MYO16: variants seen among roughly 807,000 people sequenced by gnomAD.
MYO16 encodes myosin XVI.
MYO16 carries 94 observed loss-of-function variants against 205.3 expected under a neutral mutation model. The ratio of observed to expected loss-of-function variants is 0.46; its 90% CI spans 0.39 to 0.54. The LOEUF (loss-of-function observed/expected upper bound fraction) is 0.54, where lower values mean the gene tolerates loss of function less well. MYO16 is among the 20% of genes least tolerant of loss of function. The pLI is 0.00. For missense variants in MYO16, 2,315 were observed against 2,387.5 expected (o/e 0.97, Z 0.63); for synonymous variants, 988 against 954.0 (o/e 1.04, Z -0.66).
At chr13:108,523,490 A>G in the MYO16 span, among the ~76,000 whole-genome samples, 1 of 152,058 alleles carries the variant, frequency 6.6e-6, no homozygotes, top group Admixed American at 6.5e-5. Flanking sequence ...TCATCTCCTT[A>G]GCACCAGTTT....
chr13:108,711,115 A>G (rs935626485), intron 2 of MYO16, among the ~76,000 whole-genome samples: 1 of 152,202 alleles, frequency 6.6e-6, no homozygotes, highest in African/African-American at 2.4e-5. Flanking sequence ...GGGGAAGAGC[A>G]TCTCCATACC....
At chr13:109,114,634 G>A (rs182115787) in intron 28 of MYO16, among the ~76,000 whole-genome samples, 2 of 152,260 alleles carry the variant, frequency 1.3e-5, no homozygotes, top group Admixed American at 1.3e-4. Context: ...TATCACAAGT[G>A]CACATTTCCT....
the MYO16 span, among the ~76,000 whole-genome samples, chr13:108,570,121 C>T: frequency 3.3e-5 from 5 of 152,158 alleles, 1 homozygote; most frequent in Admixed American, 2.6e-4. Flanking sequence ...TTTGGAAATA[C>T]TTGCCTCAAA....
intron 4 of MYO16, among the ~76,000 whole-genome samples, chr13:108,769,507 G>C (rs1885891737): frequency 1.3e-5 from 2 of 152,132 alleles, no homozygotes; most frequent in Non-Finnish European, 2.9e-5. Context: ...GACTGAGAGG[G>C]GGAGGCAATG....
intron 1 of MYO16, among the ~76,000 whole-genome samples, chr13:108,612,206 A>G (rs1879202523): frequency 6.6e-6 from 1 of 152,088 alleles, no homozygotes; most frequent in African/African-American, 2.4e-5. Context: ...ACTGTAACAT[A>G]TGTGCCTTTA....
intron 1 of MYO16, among the ~76,000 whole-genome samples, chr13:108,639,924 G>C (rs10083264): frequency 0.026 from 3,931 of 152,328 alleles, 164 homozygotes; most frequent in African/African-American, 0.082. Flanking sequence ...GTTTGTGTGT[G>C]AACAGCTATG....
intron 4 of MYO16, among the ~76,000 whole-genome samples, chr13:108,729,122 T>C (rs1365753583): frequency 6.6e-6 from 1 of 152,040 alleles, no homozygotes; most frequent in Non-Finnish European, 1.5e-5. Context: ...AGAGGGCTAG[T>C]ACTGTATATA....
intron 16 of MYO16, among the ~76,000 whole-genome samples, chr13:108,952,860 A>G (rs1348650310): frequency 6.6e-6 from 1 of 152,228 alleles, no homozygotes; most frequent in Non-Finnish European, 1.5e-5. Flanking sequence ...TATAGAAGAT[A>G]CTGAATATTA....
chr13:108,668,468 C>T (rs867583614), intron 2 of MYO16, among the ~76,000 whole-genome samples: 5 of 152,140 alleles, frequency 3.3e-5, no homozygotes, highest in Admixed American at 6.5e-5. Context: ...TGACAAACAG[C>T]GTAAGTATTA....
chr13:108,796,895 T>G (rs1886809253), intron 6 of MYO16, among the ~76,000 whole-genome samples: 1 of 151,470 alleles, frequency 6.6e-6, no homozygotes, highest in African/African-American at 2.4e-5. Context: ...GTTGTGCACA[T>G]GTACCCTAAA....
In MYO16 at chr13:109,199,808, T is replaced by C. The variant is rs550253469; in HGVS notation, c.5416-6801T>C. On this transcript the variant is annotated intron_variant, in intron 34 of 34. Coordinates refer to ENST00000457511, the MANE Select transcript of MYO16 (RefSeq NM_001198950.3). ...GATAATATTTAATTTACTGTGAATA[T>C]CAAATAATGGTAAAGGAAGCCATGA... Among the ~76,000 whole-genome samples the C allele has an allele frequency of 3.9e-5, 6 of 152,310 alleles. No individual in the cohort carries two copies. In the South Asian group the frequency reaches 1.0e-3, roughly 26 times the overall value.
chr13:108,931,047 G>A (rs1390982568), intron 16 of MYO16, among the ~76,000 whole-genome samples: 1 of 152,212 alleles, frequency 6.6e-6, no homozygotes, highest in Non-Finnish European at 1.5e-5. Flanking sequence ...AGAGGAGGAT[G>A]TCTGAATCGC....
At chr13:108,681,809 G>A (rs767636372) in intron 2 of MYO16, among the ~76,000 whole-genome samples, 6 of 152,076 alleles carry the variant, frequency 3.9e-5, no homozygotes, top group Non-Finnish European at 7.4e-5. Context: ...ATGTAGTTAG[G>A]CATTTGACTT....
intron 33 of MYO16, among the ~76,000 whole-genome samples, chr13:109,168,216 A>T (rs933350921): frequency 6.6e-6 from 1 of 152,146 alleles, no homozygotes; most frequent in African/African-American, 2.4e-5. Flanking sequence ...TGTGAAAATA[A>T]ACTTTATTTA....
chr13:108,797,468 G>T (rs1886829731), intron 6 of MYO16, among the ~76,000 whole-genome samples: 1 of 152,222 alleles, frequency 6.6e-6, no homozygotes. Flanking sequence ...AAGCACTGAG[G>T]AAGGAGGAAA....
At chr13:108,745,053 G>A (rs897457102) in intron 4 of MYO16, among the ~76,000 whole-genome samples, 2 of 152,130 alleles carry the variant, frequency 1.3e-5, no homozygotes, top group African/African-American at 4.8e-5. Context: ...TTTCAAATCA[G>A]CTTCTAATTG....
chr13:109,108,522 T>C (rs1889189530), intron 28 of MYO16, among the ~76,000 whole-genome samples: 1 of 152,220 alleles, frequency 6.6e-6, no homozygotes. Flanking sequence ...TTTCCTCTAC[T>C]TCAAGTTTAT....
intron 2 of MYO16, 93 bp from the exon 3 acceptor site, chr13:108,712,568 T>C: frequency 9.2e-7 from 1 of 1,090,116 alleles, no homozygotes; most frequent in Non-Finnish European, 1.4e-6. Flanking sequence ...CACAGCTGTT[T>C]GCATTTTAGA....
At chr13:108,605,333 G>GA (rs200262468) in intron 1 of MYO16, among the ~76,000 whole-genome samples, 10 of 151,966 alleles carry the variant, frequency 6.6e-5, no homozygotes, top group Non-Finnish European at 8.8e-5. Context: ...TGCTCCATGT[G>GA]AAAAAAAATC....
Sources: gnomAD v4.1 joint callset for allele counts (sites outside exome capture counted in the v4.1 genomes callset) on GRCh38, gnomAD v4.1.1 for gene constraint, MANE v1.5 for transcripts, NCBI Gene and HGNC (gene_info 2026-07-23, HGNC 2026-07-21) for gene names.